The following CNNM3 variants were observed in gnomAD, a reference collection of about 807,000 sequenced individuals.
The protein encoded by CNNM3 is metal transporter CNNM3.
CNNM3 carries 47 observed loss-of-function variants against 57.1 expected under a neutral mutation model. That is an observed-to-expected ratio of 0.82 (90% confidence interval 0.65 to 1.05). The LOEUF is 1.05. CNNM3 is among the 50% of genes least tolerant of loss of function. The probability of loss-of-function intolerance (pLI) is 0.00; values close to 1 mark genes in which losing one functional copy is unlikely to be tolerated. For synonymous variants in CNNM3, 507 were observed against 478.2 expected (o/e 1.06, Z -0.79); for missense variants, 957 against 973.7 (o/e 0.98, Z 0.23).
intron 4 of CNNM3, 88 bp from the exon 5 acceptor site, chr2:96,828,011 A>G (rs1344100467): frequency 8.5e-6 from 13 of 1,536,606 alleles, no homozygotes; most frequent in South Asian, 4.5e-5. Context: ...ACCCCAAACA[A>G]TTGAGGTGGT....
intron 1 of CNNM3, among the ~76,000 whole-genome samples, chr2:96,819,944 C>T (rs1036637740): frequency 6.6e-6 from 1 of 152,160 alleles, no homozygotes; most frequent in Non-Finnish European, 1.5e-5. Context: ...GTTGGGGATT[C>T]CACTTGGGGA....
In CNNM3 at chr2:96,817,293, C is replaced by G. The variant is rs2079338272; in HGVS notation, c.1016C>G (p.Ala339Gly). Residue 339 changes from alanine (A) to glycine (G), a missense_variant, in exon 1 of 8, where the codon GCC (alanine) becomes GGC (glycine). Physicochemically the swap from Ala to Gly is moderately conservative, Grantham distance 60. Coordinates refer to ENST00000305510, the MANE Select transcript of CNNM3 (RefSeq NM_017623.5). ...ASTVLDFGVLASIMQSGHTRI... is the reference protein window; with the variant it reads ...ASTVLDFGVLGSIMQSGHTRI... ...ACCGTGCTGGACTTCGGCGTCCTGGCCAGCATCATGCAGAGCGGCCACACG... is the reference window on the plus strand; with the variant it reads ...ACCGTGCTGGACTTCGGCGTCCTGGGCAGCATCATGCAGAGCGGCCACACG... 1 of 1,613,542 alleles carries G rather than the reference C, an allele frequency of 6.2e-7. No homozygotes were observed. The highest frequency in any genetic ancestry group is 8.5e-7 in the Non-Finnish European group (1 of 1,180,040).
chr2:96,824,247 G>A (rs2079456507), intron 1 of CNNM3, among the ~76,000 whole-genome samples: 1 of 152,088 alleles, frequency 6.6e-6, no homozygotes, highest in Non-Finnish European at 1.5e-5. Context: ...CCCTCACTAA[G>A]CAAACAAACC....
intron 1 of CNNM3, 99 bp downstream of exon 1, chr2:96,817,601 C>T: frequency 2.5e-6 from 3 of 1,193,398 alleles, no homozygotes; most frequent in Non-Finnish European, 3.6e-6. Flanking sequence ...GGTCCCACCC[C>T]TGTGGAGAGC....
At chr2:96,827,660 A>G in intron 3 of CNNM3, 71 bp from the exon 4 acceptor site, 1 of 1,484,266 alleles carries the variant, frequency 6.7e-7, no homozygotes, top group Non-Finnish European at 9.2e-7. Flanking sequence ...TAAATTGCCT[A>G]CAGTGTTGGG....
At chr2:96,824,366 C>G (rs866478833) in intron 1 of CNNM3, among the ~76,000 whole-genome samples, 1 of 152,222 alleles carries the variant, frequency 6.6e-6, no homozygotes, top group Non-Finnish European at 1.5e-5. Context: ...TACCACTCTT[C>G]TCATCCCCTA....
chr2:96,827,091 C>A, intron 3 of CNNM3, 109 bp downstream of exon 3: 1 of 1,256,138 alleles, frequency 8.0e-7, no homozygotes, highest in Non-Finnish European at 1.1e-6. Context: ...CAGGCGGGTG[C>A]GTCTTGAGGA....
chr2:96,826,126 A>G (rs971053565), intron 2 of CNNM3, among the ~76,000 whole-genome samples: 2 of 152,204 alleles, frequency 1.3e-5, no homozygotes, highest in African/African-American at 4.8e-5. Flanking sequence ...CTCCAGGTTA[A>G]TTGCTGCCCA....
chr2:96,831,742 A>G (rs2079605608), intron 7 of CNNM3, among the ~76,000 whole-genome samples: 1 of 152,224 alleles, frequency 6.6e-6, no homozygotes, highest in African/African-American at 2.4e-5. Context: ...GCCGAGGGAA[A>G]GGCAGTCCCC....
chr2:96,836,239 ATT>A (rs761750199), downstream of CNNM3, among the ~76,000 whole-genome samples: 9,946 of 126,344 alleles, frequency 0.079, 368 homozygotes, highest in Middle Eastern at 0.18. Flanking sequence ...CACCCAGCTA[ATT>A]TTTTTTTTTT....
intron 3 of CNNM3, 129 bp from the exon 4 acceptor site, chr2:96,827,602 C>A: frequency 1.2e-6 from 1 of 837,336 alleles, no homozygotes; most frequent in Non-Finnish European, 1.9e-6. Context: ...GTGTTAGGGG[C>A]AGCTGCTCAC....
intron 3 of CNNM3, among the ~76,000 whole-genome samples, chr2:96,827,412 C>T (rs770111631): frequency 3.0e-4 from 46 of 152,122 alleles, no homozygotes; most frequent in Non-Finnish European, 6.2e-4. Context: ...GGATTACAGG[C>T]GTGTATCACC....
At position 96,816,636 on chromosome 2, in the gene CNNM3, G is replaced by A; in HGVS notation, c.359G>A (p.Arg120His). Residue 120 changes from arginine (R) to histidine (H), a missense_variant, in exon 1 of 8, where the codon CGC becomes CAC. This residue lies in a region of CNNM3 where 466 missense variants were observed against 403.1 expected (regional missense o/e 1.16). Coordinates refer to ENST00000305510, the MANE Select transcript of CNNM3 (RefSeq NM_017623.5). ...VRPHSALLAV[R>H]VEPGGGAAEE... is the part of the protein sequence containing the mutation. ...CCGCACTCGGCGCTGCTGGCGGTGCGCGTGGAGCCGGGTGGCGGGGCGGCT... is the reference window on the plus strand; with the variant it reads ...CCGCACTCGGCGCTGCTGGCGGTGCACGTGGAGCCGGGTGGCGGGGCGGCT... 1 of 1,126,634 alleles carries A rather than the reference G, an allele frequency of 8.9e-7. No homozygotes were observed. Among genetic ancestry groups the A allele is most frequent in the Non-Finnish European group, 1.1e-6 (1 of 921,796 alleles). The allele number at this position is 1,126,634 out of a possible 1,614,324, so 69.8% of individuals were successfully genotyped here. A position where few individuals can be genotyped will look rare whatever the true frequency, so the allele number is the denominator to read the frequency against.
intron 5 of CNNM3, 69 bp from the exon 6 acceptor site, chr2:96,828,498 T>TC: frequency 6.3e-7 from 1 of 1,594,442 alleles, no homozygotes; most frequent in Non-Finnish European, 8.6e-7. Context: ...TGTACAGTTG[T>TC]CCCCACCAGG....
chr2:96,826,237 C>T (rs191159678), intron 2 of CNNM3, among the ~76,000 whole-genome samples: 20 of 151,568 alleles, frequency 1.3e-4, no homozygotes, highest in Middle Eastern at 3.4e-3. Flanking sequence ...TATTTTGAGA[C>T]GGTCTTGCTC....
intron 7 of CNNM3, among the ~76,000 whole-genome samples, chr2:96,830,319 A>G (rs1183271216): frequency 1.3e-5 from 2 of 150,622 alleles, no homozygotes; most frequent in Admixed American, 6.6e-5. Flanking sequence ...AGGAGCTTCC[A>G]TGTCTAACTC....
chr2:96,832,679 G>T lies in CNNM3; in HGVS notation c.*63G>T, dbSNP rs1007315937. 2.5e-6 allele frequency: 4 copies of T among 1,602,930 alleles called. No homozygotes were observed. In the South Asian group the frequency reaches 3.3e-5, roughly 13 times the overall value. On this transcript the variant is annotated 3_prime_UTR_variant, in exon 8 of 8. Coordinates refer to ENST00000305510, the MANE Select transcript of CNNM3 (RefSeq NM_017623.5). ...AGCACGTGGGGAGCTGGAGTGAGCT[G>T]AGCAGAAGTTTTGTGCCCGCCTGCC...
In CNNM3 at chr2:96,834,495, C is replaced by T. The variant is rs913861081; in HGVS notation, c.*1879C>T. ...GAGTAGTAGGGACTACAGGTAGGCA[C>T]CACCACACCCAGCTAATACTTTTAA... On this transcript the variant is annotated 3_prime_UTR_variant, in exon 8 of 8. Coordinates refer to ENST00000305510, the MANE Select transcript of CNNM3 (RefSeq NM_017623.5). 6.6e-6 allele frequency among the ~76,000 whole-genome samples: 1 copy of T among 152,004 alleles called. No individual in the cohort carries two copies. The highest frequency in any genetic ancestry group is 6.6e-5 in the Admixed American group (1 of 15,240).
At chr2:96,817,546 C>T in intron 1 of CNNM3, 44 bp downstream of exon 1, 1 of 1,557,268 alleles carries the variant, frequency 6.4e-7, no homozygotes. Flanking sequence ...TGCGAGTGCC[C>T]TCTCCCTGAA....
Sources: gnomAD v4.1 joint callset for allele counts (sites outside exome capture counted in the v4.1 genomes callset) on GRCh38, gnomAD v4.1.1 for gene constraint, gnomAD v4.1.1 regional missense constraint, MANE v1.5 for transcripts, NCBI Gene and HGNC (gene_info 2026-07-23, HGNC 2026-07-21) for gene names.